Variants in PSAT1 observed in about 807,000 individuals in gnomAD.
The protein encoded by PSAT1 is phosphoserine aminotransferase.
A neutral mutation model predicts 40.3 loss-of-function variants in PSAT1; 41 were observed. The ratio of observed to expected loss-of-function variants is 1.02; its 90% CI spans 0.79 to 1.32. The LOEUF (loss-of-function observed/expected upper bound fraction) is 1.32, where lower values mean the gene tolerates loss of function less well. Among genes scored for constraint, PSAT1 ranks in the 40% most tolerant of loss-of-function variants. PSAT1 has a pLI of 0.00. For missense variants in PSAT1, 406 were observed against 455.8 expected (o/e 0.89, Z 0.99); for synonymous variants, 147 against 170.5 (o/e 0.86, Z 1.07).
At position 78,302,013 on chromosome 9, in the gene PSAT1, C is replaced by A; in HGVS notation, c.181C>A (p.Arg61=). ...KIINNTENLV[R]ELLAVPDNYK... ...TATTAACAATACAGAGAATCTTGTG[C>A]GGGAATTGCTGTAAGTTTTAAAAAG... Residue 61 remains arginine (R), a synonymous_variant, in exon 3 of 9, where the codon CGG becomes AGG. Coordinates refer to ENST00000376588, the MANE Select transcript of PSAT1 (RefSeq NM_058179.4). 6.2e-7 allele frequency: 1 copy of A among 1,608,986 alleles called. No individual in the cohort carries two copies. Among genetic ancestry groups the A allele is most frequent in the Non-Finnish European group, 8.5e-7 (1 of 1,175,534 alleles).
intron 7 of PSAT1, among the ~76,000 whole-genome samples, chr9:78,325,017 A>T (rs186173563): frequency 2.3e-4 from 35 of 152,202 alleles, no homozygotes; most frequent in Admixed American, 1.2e-3. Flanking sequence ...CGTTCAGTGC[A>T]AACCCATAGC....
chr9:78,315,503 C>A (rs577393629), intron 6 of PSAT1, among the ~76,000 whole-genome samples: 1 of 152,334 alleles, frequency 6.6e-6, no homozygotes, highest in South Asian at 2.1e-4. Context: ...TGGACGTTAG[C>A]CAGAGAGCTA....
At chr9:78,303,734 C>G (rs184559062) in intron 3 of PSAT1, among the ~76,000 whole-genome samples, 1 of 152,184 alleles carries the variant, frequency 6.6e-6, no homozygotes, top group Non-Finnish European at 1.5e-5. Flanking sequence ...GATATTTACA[C>G]TCCTACCACC....
chr9:78,304,473 A>T (rs536824802), intron 3 of PSAT1, among the ~76,000 whole-genome samples: 1 of 152,334 alleles, frequency 6.6e-6, no homozygotes, highest in African/African-American at 2.4e-5. Context: ...CTAAAGGAAC[A>T]TCAGGCTGTT....
At chr9:78,318,942 C>T (rs911779816) in intron 7 of PSAT1, among the ~76,000 whole-genome samples, 1 of 152,144 alleles carries the variant, frequency 6.6e-6, no homozygotes, top group Admixed American at 6.5e-5. Context: ...TTTGCTTTTC[C>T]CTTTCCCTTA....
intron 4 of PSAT1, 57 bp from the exon 5 acceptor site, chr9:78,306,257 A>G (rs1187739903): frequency 3.2e-6 from 5 of 1,581,170 alleles, no homozygotes; most frequent in Non-Finnish European, 4.3e-6. Context: ...ACTCCCATCT[A>G]TGTAAGGAAA....
intron 7 of PSAT1, among the ~76,000 whole-genome samples, chr9:78,321,023 C>T (rs963019006): frequency 2.3e-4 from 35 of 152,166 alleles, no homozygotes; most frequent in East Asian, 7.7e-4. Flanking sequence ...CCCCCCGCCA[C>T]GCCTAGGTCC....
intron 6 of PSAT1, among the ~76,000 whole-genome samples, chr9:78,314,775 C>G (rs1290181167): frequency 6.6e-6 from 1 of 152,008 alleles, no homozygotes; most frequent in African/African-American, 2.4e-5. Flanking sequence ...TGAGGTCTGG[C>G]TAGGACGGTG....
chr9:78,308,075 G>T (rs979323364), intron 5 of PSAT1, among the ~76,000 whole-genome samples: 5 of 152,100 alleles, frequency 3.3e-5, no homozygotes, highest in Non-Finnish European at 7.4e-5. Context: ...TTGGTAACCA[G>T]GGAGAGTTAG....
chr9:78,304,746 A>G lies in PSAT1; in HGVS notation c.203A>G (p.Asp68Gly), dbSNP rs748059814. 2 of 1,613,886 alleles carry G rather than the reference A, an allele frequency of 1.2e-6. No homozygotes were observed. Among genetic ancestry groups the G allele is most frequent in the Non-Finnish European group, 1.7e-6 (2 of 1,179,744 alleles). Residue 68 changes from aspartate to glycine, a missense_variant, in exon 4 of 9, where the codon GAC (aspartate) becomes GGC (glycine). By Grantham distance (94) the Asp-to-Gly change is moderately conservative (BLOSUM62 -1). Coordinates refer to ENST00000376588, the MANE Select transcript of PSAT1 (RefSeq NM_058179.4). ...NLVRELLAVP[D>G]NYKVIFLQGG... ...ATGCTTCTGCCCAGAGCTGTTCCAG[A>G]CAACTATAAGGTGATTTTTCTGCAA...
chr9:78,303,057 T>G (rs1205433782), intron 3 of PSAT1, among the ~76,000 whole-genome samples: 26 of 152,162 alleles, frequency 1.7e-4, no homozygotes, highest in Non-Finnish European at 4.4e-5. Flanking sequence ...AATGCACATT[T>G]ATGGTAGGAA....
At chr9:78,322,392 A>T (rs1170185111) in intron 7 of PSAT1, among the ~76,000 whole-genome samples, 1 of 152,200 alleles carries the variant, frequency 6.6e-6, no homozygotes, top group Non-Finnish European at 1.5e-5. Flanking sequence ...AAGCACAGAT[A>T]GGACAAGGAT....
chr9:78,329,425 G>T lies in PSAT1; in HGVS notation c.*339G>T. ...TGCAAGTTGCGATTAATTATTTCTG[G>T]AGTCATGGGAACACACAGCACAGAG... is the stretch of plus-strand genomic sequence containing the variant. On this transcript the variant is annotated 3_prime_UTR_variant, in exon 9 of 9. Coordinates refer to ENST00000376588, the MANE Select transcript of PSAT1 (RefSeq NM_058179.4). 1 of 354,660 alleles carries T rather than the reference G, an allele frequency of 2.8e-6. No individual in the cohort carries two copies. Among genetic ancestry groups the T allele is most frequent in the Non-Finnish European group, 5.4e-6 (1 of 183,722 alleles). The allele number at this position is 354,660 out of a possible 1,614,324, so 22.0% of individuals were successfully genotyped here.
rs1019102180 is a variant in PSAT1, at chr9:78,329,629, T to C, written c.*543T>C. On this transcript the variant is annotated 3_prime_UTR_variant, in exon 9 of 9. Transcript: ENST00000376588. ...CAGGAGAAGTGACATACTTTATATA[T>C]GTTTATATTAGCAAGGTCTGTTTTT... 3 of 159,390 alleles carry C rather than the reference T, an allele frequency of 1.9e-5. No homozygotes were observed. The highest frequency in any genetic ancestry group is 7.2e-5 in the African/African-American group (3 of 41,492). The allele number at this position is 159,390 out of a possible 1,614,324, so 9.9% of individuals were successfully genotyped here.
At chr9:78,307,718 T>C (rs1828205487) in intron 5 of PSAT1, among the ~76,000 whole-genome samples, 1 of 152,060 alleles carries the variant, frequency 6.6e-6, no homozygotes, top group Admixed American at 6.5e-5. Context: ...ACCTTCTGAC[T>C]GTTCTTTTAT....
chr9:78,312,921 AC>A (rs1161503302), intron 6 of PSAT1, among the ~76,000 whole-genome samples: 3 of 152,114 alleles, frequency 2.0e-5, no homozygotes, highest in Non-Finnish European at 4.4e-5. Context: ...TCCTGAGAAA[AC>A]TGTGCCATAA....
chr9:78,328,193 G>A lies in PSAT1; in HGVS notation c.1007+5G>A, dbSNP rs747514463. On this transcript the variant is annotated splice_donor_5th_base_variant and intron_variant, in intron 8 of 8. Coordinates refer to ENST00000376588, the MANE Select transcript of PSAT1 (RefSeq NM_058179.4). ...GTTGTCCTTGAAAGGGCATAGGTGA[G>A]TACATCTGCAATGCACGAGCTTGGC... The A allele has an allele frequency of 3.1e-6, 5 of 1,613,906 alleles. No individual in the cohort carries two copies. The highest frequency in any genetic ancestry group is 4.2e-6 in the Non-Finnish European group (5 of 1,180,022).
intron 1 of PSAT1, 113 bp downstream of exon 1, chr9:78,297,383 C>T (rs532959973): frequency 8.1e-5 from 103 of 1,273,676 alleles, no homozygotes; most frequent in African/African-American, 2.7e-4. Flanking sequence ...CTTGAGTCCC[C>T]TAGGCGCTTT....
In PSAT1 at chr9:78,330,071, C is replaced by T. The variant is rs943681493; in HGVS notation, c.*985C>T. 2 of 152,268 alleles carry T rather than the reference C, an allele frequency of 1.3e-5. No homozygotes were observed. The highest frequency in any genetic ancestry group is 2.9e-5 in the Non-Finnish European group (2 of 68,026). The allele number at this position is 152,268 out of a possible 1,614,324, so 9.4% of individuals were successfully genotyped here. On this transcript the variant is annotated 3_prime_UTR_variant, in exon 9 of 9. Transcript: ENST00000376588. ...TATTTTATGTTGAATATGTAAAGAA[C>T]ATTAAAGTCCTAAAACATCTAAGCC... is the stretch of plus-strand genomic sequence containing the variant.
Sources: allele counts gnomAD v4.1 joint callset (sites outside exome capture counted in the v4.1 genomes callset), GRCh38; gene constraint gnomAD v4.1.1; transcripts MANE v1.5; gene names NCBI Gene and HGNC (gene_info 2026-07-23, HGNC 2026-07-21).